PCNX3: variants seen among roughly 807,000 people sequenced by gnomAD.
PCNX3 encodes pecanex-like protein 3.
In PCNX3, 58 loss-of-function variants were observed where a neutral mutation model predicts 207.2. The ratio of observed to expected loss-of-function variants is 0.28; its 90% CI spans 0.23 to 0.35. PCNX3 has a LOEUF of 0.35. Ranked by LOEUF, PCNX3 falls within the 10% of genes least tolerant of loss-of-function variation. PCNX3 has a pLI of 1.00. For synonymous variants in PCNX3, 1,337 were observed against 1,183.5 expected (o/e 1.13, Z -2.66); for missense variants, 2,410 against 2,774.4 (o/e 0.87, Z 2.95).
chr11:65,629,745 A>G lies in PCNX3; in HGVS notation c.4216+10A>G, dbSNP rs1471313364. On this transcript the variant is annotated intron_variant, in intron 26 of 34. Transcript: ENST00000355703. ...GGCCTTGAGTTCCGGGGTGAGCCGC[A>G]GGACCAGGCTCGGGTGGGCAGGCAC... The G allele has an allele frequency of 1.3e-6, 2 of 1,549,236 alleles. No homozygotes were observed. The highest frequency in any genetic ancestry group is 2.0e-5 in the Admixed American group (1 of 51,010).
chr11:65,627,331 G>A, intron 21 of PCNX3, 74 bp from the exon 22 acceptor site: 12 of 1,489,556 alleles, frequency 8.1e-6, no homozygotes, highest in Non-Finnish European at 1.1e-5. Flanking sequence ...GGCCAGAGTA[G>A]GCGAGGGATG....
At chr11:65,623,706 C>G (rs1341851081) in intron 12 of PCNX3, 62 bp downstream of exon 12, 1 of 1,587,264 alleles carries the variant, frequency 6.3e-7, no homozygotes, top group Non-Finnish European at 8.6e-7. Flanking sequence ...GCCCTTCCCA[C>G]AACTCCAGTT....
chr11:65,630,178 G>A (rs1855562795), intron 26 of PCNX3, among the ~76,000 whole-genome samples, 173 bp from the exon 27 acceptor site: 1 of 152,248 alleles, frequency 6.6e-6, no homozygotes, highest in African/African-American at 2.4e-5. Context: ...TGGGAGTTGG[G>A]AGGAGAAAGG....
Position 65,623,652 on chromosome 11 carries a change from C to T in PCNX3, c.2511+8C>T, listed in dbSNP as rs764840672. ...CAGTACTCCTTGCTGAAGGTCAGGCCGGGCTCTCTGTGTTTCCTTCCCCAC... is the reference window on the plus strand; with the variant it reads ...CAGTACTCCTTGCTGAAGGTCAGGCTGGGCTCTCTGTGTTTCCTTCCCCAC... On this transcript the variant is annotated splice_region_variant and intron_variant, in intron 12 of 34. Coordinates refer to ENST00000355703, the MANE Select transcript of PCNX3 (RefSeq NM_032223.4). 2.2e-5 allele frequency: 35 copies of T among 1,609,786 alleles called. No individual in the cohort carries two copies. The highest frequency in any genetic ancestry group is 6.7e-5 in the East Asian group (3 of 44,882).
chr11:65,627,765 G>T (rs1049043180), intron 22 of PCNX3, among the ~76,000 whole-genome samples, 183 bp downstream of exon 22: 32 of 152,148 alleles, frequency 2.1e-4, no homozygotes, highest in African/African-American at 7.7e-4. Flanking sequence ...GAAGCAGGCT[G>T]AAGGAGGTTG....
At chr11:65,628,308 C>G (rs1388818904) in intron 22 of PCNX3, among the ~76,000 whole-genome samples, 3 of 152,222 alleles carry the variant, frequency 2.0e-5, no homozygotes, top group African/African-American at 7.2e-5. Flanking sequence ...TTCACTGAAC[C>G]TCAACTTTCC....
chr11:65,624,625 G>A (rs1446887327), intron 15 of PCNX3, 44 bp downstream of exon 15: 2 of 1,484,996 alleles, frequency 1.3e-6, no homozygotes, highest in Non-Finnish European at 1.8e-6. Flanking sequence ...CCGTGTGGAG[G>A]CCCAGGAGGG....
rs1428326106 is a variant in PCNX3 at position 65,628,960 on chromosome 11, A to G, written c.3941+12A>G. 3 of 1,610,034 alleles carry G rather than the reference A, an allele frequency of 1.9e-6. No homozygotes were observed. The highest frequency in any genetic ancestry group is 2.2e-5 in the East Asian group (1 of 44,866). On this transcript the variant is annotated intron_variant, in intron 24 of 34. Transcript: ENST00000355703. ...GAGCGCGACTACAAGTGAGTCTCACAGGAGGCGGGAGCATGCCCAGCAGGG... is the reference window on the plus strand; with the variant it reads ...GAGCGCGACTACAAGTGAGTCTCACGGGAGGCGGGAGCATGCCCAGCAGGG...
At chr11:65,634,067 TTTC>T in intron 27 of PCNX3, 56 bp from the exon 28 acceptor site, 1 of 1,470,520 alleles carries the variant, frequency 6.8e-7, no homozygotes, top group South Asian at 1.2e-5. Context: ...ACCTCCATGC[TTTC>T]TCCTCCAGTG....
chr11:65,630,304 G>A (rs1484936096), intron 26 of PCNX3, 47 bp from the exon 27 acceptor site: 6 of 1,593,196 alleles, frequency 3.8e-6, no homozygotes, highest in Non-Finnish European at 5.1e-6. Context: ...GACAGGGCAG[G>A]TAGGGATTGT....
At position 65,637,260 on chromosome 11, in the gene PCNX3, T is replaced by G; in HGVS notation, c.*282T>G. 2.1e-6 allele frequency: 1 copy of G among 466,486 alleles called. No individual in the cohort carries two copies. The allele number at this position is 466,486 out of a possible 1,614,324, so 28.9% of individuals were successfully genotyped here. On this transcript the variant is annotated 3_prime_UTR_variant, in exon 35 of 35. Coordinates refer to ENST00000355703, the MANE Select transcript of PCNX3 (RefSeq NM_032223.4). ...ATGGGCTGGTCCCACTTGGAGCCTG[T>G]GGCCAGGACCACCTCAGCCCCTGGG...
At position 65,625,141 on chromosome 11, in the gene PCNX3, T is replaced by TC; in HGVS notation, c.2920-26dup. On this transcript the variant is annotated intron_variant, in intron 16 of 34. Coordinates refer to ENST00000355703, the MANE Select transcript of PCNX3 (RefSeq NM_032223.4). The surrounding 1 kb of genome is among the most constrained non-coding windows in gnomAD (Gnocchi z 5.6). ...GCCCGGGCCCCATGCTTACCTCACC[T>TC]CCCCTGACCAGCATGGATTCTCTCC... 6.3e-7 allele frequency: 1 copy of TC among 1,578,450 alleles called. No homozygotes were observed. The highest frequency in any genetic ancestry group is 1.3e-5 in the African/African-American group (1 of 74,236).
intron 25 of PCNX3, 49 bp from the exon 26 acceptor site, chr11:65,629,471 C>T (rs1371442241): frequency 6.2e-7 from 1 of 1,611,072 alleles, no homozygotes; most frequent in East Asian, 2.2e-5. Flanking sequence ...GGGAGGGAGC[C>T]TCGCTAACTT....
At position 65,635,474 on chromosome 11, in the gene PCNX3, G is replaced by T. The variant is rs1855793659; in HGVS notation, c.5184+26G>T. 5 of 1,607,300 alleles carry T rather than the reference G, an allele frequency of 3.1e-6. No individual in the cohort carries two copies. The highest frequency in any genetic ancestry group is 4.2e-6 in the Non-Finnish European group (5 of 1,178,144). On this transcript the variant is annotated intron_variant, in intron 31 of 34. Transcript: ENST00000355703. The surrounding 1 kb of genome is among the most constrained non-coding windows in gnomAD (Gnocchi z 9.9). The stretch of plus-strand genomic sequence containing the variant: ...GTTGGGCCGGCCCCACCTGCCCTAA[G>T]CCCTGCCCCAAACCCCCTTGGGCCG...
At chr11:65,632,849 ATCC>A (rs1366691201) in intron 27 of PCNX3, among the ~76,000 whole-genome samples, 1 of 151,118 alleles carries the variant, frequency 6.6e-6, no homozygotes, top group Non-Finnish European at 1.5e-5. Flanking sequence ...GGTTCAAGTA[ATCC>A]TCCTACCTCA....
chr11:65,635,836 G>C lies in PCNX3; in HGVS notation c.5459+33G>C, dbSNP rs555882812. The C allele has an allele frequency of 3.2e-6, 5 of 1,581,154 alleles. No individual in the cohort carries two copies. Among genetic ancestry groups the C allele is most frequent in the Admixed American group, 1.8e-5 (1 of 56,068 alleles). On this transcript the variant is annotated intron_variant, in intron 32 of 34. Coordinates refer to ENST00000355703, the MANE Select transcript of PCNX3 (RefSeq NM_032223.4). This position sits in a 1 kb window ranked among gnomAD's most constrained non-coding sequence, Gnocchi z 9.9. The stretch of plus-strand genomic sequence containing the variant: ...CTCGGGAAGGGGTGACGTGTGGCGC[G>C]GGAGGAAGCTGAGGTGCAGTACGTC...
Position 65,616,009 on chromosome 11 carries a change from G to A in PCNX3, c.-303G>A. The A allele has an allele frequency of 4.5e-6, 1 of 221,560 alleles. No homozygotes were observed. Among genetic ancestry groups the A allele is most frequent in the East Asian group, 9.8e-5 (1 of 10,246 alleles). 13.7% of individuals were successfully genotyped at this position (221,560 alleles called of 1,614,324 possible). ...GATGCCGCCGACGGGTACCCGGCCCGTGCCCCGCGCCTGCCTGCCGGCTCG... is the reference window on the plus strand; with the variant it reads ...GATGCCGCCGACGGGTACCCGGCCCATGCCCCGCGCCTGCCTGCCGGCTCG... On this transcript the variant is annotated 5_prime_UTR_variant, in exon 1 of 35. It adds an upstream start codon to the 5' untranslated region. Coordinates refer to ENST00000355703, the MANE Select transcript of PCNX3 (RefSeq NM_032223.4).
intron 27 of PCNX3, among the ~76,000 whole-genome samples, chr11:65,632,670 G>C (rs1262467852): frequency 6.8e-6 from 1 of 146,154 alleles, no homozygotes; most frequent in African/African-American, 2.5e-5. Context: ...CAGAGAAAAG[G>C]ATGGCACTGG....
Position 65,617,683 on chromosome 11 carries a change from A to G in PCNX3, c.554A>G (p.Lys185Arg). Reference protein sequence around the residue: ...IVTSADREMLKLSSQEKLIGD... With the variant: ...IVTSADREMLRLSSQEKLIGD... The stretch of plus-strand genomic sequence containing the variant: ...ACTTCTGCCGACCGAGAGATGCTGA[A>G]GCTCAGCTCGCAGGAGAAACTGAGT... The change falls in exon 5 of 35, where the codon AAG becomes AGG. Residue 185 changes from lysine (K) to arginine (R), a missense_variant. Transcript: ENST00000355703. The G allele has an allele frequency of 6.4e-7, 1 of 1,574,750 alleles. No individual in the cohort carries two copies. The highest frequency in any genetic ancestry group is 8.6e-7 in the Non-Finnish European group (1 of 1,160,048).
Sources: allele counts gnomAD v4.1 joint callset (sites outside exome capture counted in the v4.1 genomes callset), GRCh38; gene constraint gnomAD v4.1.1; non-coding constraint Gnocchi (gnomAD v3.1); transcripts MANE v1.5; gene names NCBI Gene and HGNC (gene_info 2026-07-23, HGNC 2026-07-21).